BIRC6: variants seen among roughly 807,000 people sequenced by gnomAD.
BIRC6 encodes dual E2 ubiquitin-conjugating enzyme/E3 ubiquitin-protein ligase BIRC6.
In BIRC6, 98 loss-of-function variants were observed where a neutral mutation model predicts 503.3. The ratio of observed to expected loss-of-function variants is 0.19; its 90% CI spans 0.17 to 0.23. The LOEUF (loss-of-function observed/expected upper bound fraction) is 0.23. BIRC6 is among the 10% of genes least tolerant of loss of function. The pLI, the probability that BIRC6 is intolerant of heterozygous loss-of-function variation, is 1.00. For missense variants in BIRC6, 5,360 were observed against 5,806.0 expected (o/e 0.92, Z 2.50); for synonymous variants, 2,240 against 2,078.7 (o/e 1.08, Z -2.11).
Position 32,464,743 on chromosome 2 carries a change from C to T in BIRC6, c.5176C>T (p.Gln1726Ter). 6.2e-7 allele frequency: 1 copy of T among 1,614,032 alleles called. No homozygotes were observed. Among genetic ancestry groups the T allele is most frequent in the Non-Finnish European group, 8.5e-7 (1 of 1,179,890 alleles). Residue 1726 changes from glutamine to a stop codon, truncating the protein, a stop_gained, in exon 25 of 74, where the codon CAG (glutamine) becomes TAG (stop). Coordinates refer to ENST00000421745, the MANE Select transcript of BIRC6 (RefSeq NM_016252.4). LOFTEE classifies it high-confidence loss of function. ...VSVVINAELAQLFPGSVIDPP... is the reference protein window; with the variant it reads ...VSVVINAELA ...CGTTGTGATTAATGCCGAACTTGCA[C>T]AGCTTTTCCCAGGCTCAGTCATTGA...
chr2:32,489,194 G>A (rs1311122793), intron 42 of BIRC6, among the ~76,000 whole-genome samples: 1 of 151,982 alleles, frequency 6.6e-6, no homozygotes, highest in Non-Finnish European at 1.5e-5. Flanking sequence ...TTAGCGTTCA[G>A]CTCTAGCTAC....
At chr2:32,392,667 C>T (rs976661548) in intron 5 of BIRC6, among the ~76,000 whole-genome samples, 2 of 152,100 alleles carry the variant, frequency 1.3e-5, no homozygotes, top group African/African-American at 4.8e-5. Context: ...CTGTTGCCCA[C>T]GCTGGAGTAC....
chr2:32,525,350 C>G, intron 58 of BIRC6, 114 bp from the exon 59 acceptor site: 1 of 1,125,572 alleles, frequency 8.9e-7, no homozygotes, highest in Non-Finnish European at 1.3e-6. Context: ...AGGAACATTT[C>G]TGTTTTCTGA....
intron 65 of BIRC6, among the ~76,000 whole-genome samples, chr2:32,559,612 G>A (rs1308706664): frequency 1.3e-5 from 2 of 151,030 alleles, no homozygotes; most frequent in African/African-American, 4.9e-5. Context: ...CTGACCACCG[G>A]TACACATTAA....
chr2:32,387,701 A>T (rs527653031), intron 3 of BIRC6, among the ~76,000 whole-genome samples: 1 of 152,302 alleles, frequency 6.6e-6, no homozygotes, highest in East Asian at 1.9e-4. Flanking sequence ...AAATCCTCAT[A>T]TACCCCAGTA....
At chr2:32,511,197 T>C (rs1288703077) in intron 53 of BIRC6, among the ~76,000 whole-genome samples, 10 of 133,756 alleles carry the variant, frequency 7.5e-5, no homozygotes, top group Admixed American at 7.3e-4. Flanking sequence ...TTTTCTTTTC[T>C]TTTCTTTTTT....
chr2:32,407,280 T>C (rs1030090596), intron 9 of BIRC6, among the ~76,000 whole-genome samples: 2 of 151,906 alleles, frequency 1.3e-5, no homozygotes, highest in Admixed American at 1.3e-4. Flanking sequence ...ACCCCGTTTC[T>C]ACTAAAAATA....
At position 32,607,540 on chromosome 2, in the gene BIRC6, G is replaced by T; in HGVS notation, c.14156G>T (p.Ser4719Ile). ...PGYERSRGTP[S>I]GTQSSREYDG... The stretch of plus-strand genomic sequence containing the variant: ...TATGAACGGTCTAGAGGCACTCCCA[G>T]TGGCACACAGAGTTCTCGAGAATAT... The change falls in exon 72 of 74, where the codon AGT (serine) becomes ATT (isoleucine). Residue 4719 changes from serine (S) to isoleucine (I), a missense_variant. Physicochemically the swap from Ser to Ile is moderately radical, Grantham distance 142. Coordinates refer to ENST00000421745, the MANE Select transcript of BIRC6 (RefSeq NM_016252.4). 6.2e-7 allele frequency: 1 copy of T among 1,613,868 alleles called. No individual in the cohort carries two copies. Among genetic ancestry groups the T allele is most frequent in the Non-Finnish European group, 8.5e-7 (1 of 1,179,796 alleles).
At chr2:32,444,535 T>G (rs894735362) in intron 20 of BIRC6, among the ~76,000 whole-genome samples, 1 of 152,214 alleles carries the variant, frequency 6.6e-6, no homozygotes, top group Non-Finnish European at 1.5e-5. Flanking sequence ...TAACTTGGCC[T>G]TTTAAGCCAA....
At chr2:32,511,786 T>C (rs1203734894) in intron 53 of BIRC6, among the ~76,000 whole-genome samples, 1 of 152,054 alleles carries the variant, frequency 6.6e-6, no homozygotes, top group African/African-American at 2.4e-5. Context: ...ATGTTTAAAA[T>C]GAAGTCATTT....
In BIRC6 at chr2:32,415,468, C is replaced by T. The variant is rs2042289651; in HGVS notation, c.2177C>T (p.Ala726Val). 1 of 1,613,958 alleles carries T rather than the reference C, an allele frequency of 6.2e-7. No individual in the cohort carries two copies. The highest frequency in any genetic ancestry group is 1.3e-5 in the African/African-American group (1 of 75,054). ...LVQCLRLPKF[A>V]EEENLCIDSI... is the part of the protein sequence containing the mutation. ...CAGTGCTTGAGGCTGCCAAAGTTTGCAGAGGAGGAGAATCTTTGTATAGAC... is the reference window on the plus strand; with the variant it reads ...CAGTGCTTGAGGCTGCCAAAGTTTGTAGAGGAGGAGAATCTTTGTATAGAC... Residue 726 changes from alanine (A) to valine (V), a missense_variant, in exon 10 of 74, where the codon GCA becomes GTA. By Grantham distance (64) the Ala-to-Val change is moderately conservative (BLOSUM62 0). Coordinates refer to ENST00000421745, the MANE Select transcript of BIRC6 (RefSeq NM_016252.4).
At chr2:32,381,306 C>T (rs1297399756) in intron 3 of BIRC6, among the ~76,000 whole-genome samples, 1 of 152,168 alleles carries the variant, frequency 6.6e-6, no homozygotes, top group African/African-American at 2.4e-5. Context: ...ATGGCACAAT[C>T]TCGGCTCACT....
intron 1 of BIRC6, among the ~76,000 whole-genome samples, chr2:32,365,607 C>T (rs1289025576): frequency 6.6e-6 from 1 of 152,134 alleles, no homozygotes; most frequent in Non-Finnish European, 1.5e-5. Flanking sequence ...GTGTGAGCCA[C>T]CGTGCCCGGT....
chr2:32,616,168 C>A (rs955722185), intron 73 of BIRC6, among the ~76,000 whole-genome samples: 4 of 152,042 alleles, frequency 2.6e-5, no homozygotes, highest in Non-Finnish European at 5.9e-5. Context: ...GTTCTTTGTT[C>A]TTCTATGATC....
At chr2:32,388,051 G>A (rs2038732474) in intron 3 of BIRC6, among the ~76,000 whole-genome samples, 1 of 152,030 alleles carries the variant, frequency 6.6e-6, no homozygotes, top group Non-Finnish European at 1.5e-5. Context: ...ATTTCTTTGT[G>A]ATGAGAATGT....
intron 12 of BIRC6, 91 bp downstream of exon 12, chr2:32,431,181 CTTTTTTT>C (rs10610125): frequency 0.013 from 925 of 69,170 alleles, 4 homozygotes; most frequent in African/African-American, 0.035. Flanking sequence ...TACTGTTTAT[CTTTTTTT>C]TTTTTTTTTT....
chr2:32,425,681 C>G (rs915417697), intron 10 of BIRC6, among the ~76,000 whole-genome samples: 1 of 152,180 alleles, frequency 6.6e-6, no homozygotes, highest in African/African-American at 2.4e-5. Flanking sequence ...AGAGTTCTAT[C>G]TCTTTAAATC....
rs111608014 is a variant in BIRC6 at position 32,550,714 on chromosome 2, A to AT, written c.13144+1234dup. ...GTTTTGGTCTGAAATTGACTCTCTTATAACACTGAGCTTTTATCTTTATGG... is the reference window on the plus strand; with the variant it reads ...GTTTTGGTCTGAAATTGACTCTCTTATTAACACTGAGCTTTTATCTTTATGG... On this transcript the variant is annotated intron_variant, in intron 65 of 73. Coordinates refer to ENST00000421745, the MANE Select transcript of BIRC6 (RefSeq NM_016252.4). Among the ~76,000 whole-genome samples the AT allele has an allele frequency of 9.6e-3, 1,456 of 152,284 alleles. 20 individuals carry two copies. Among genetic ancestry groups the AT allele is most frequent in the Admixed American group, 0.014 (218 of 15,296 alleles).
intron 5 of BIRC6, among the ~76,000 whole-genome samples, chr2:32,394,077 A>G (rs879560288): frequency 2.0e-5 from 3 of 151,532 alleles, no homozygotes; most frequent in Non-Finnish European, 4.4e-5. Flanking sequence ...AGGATTGAAC[A>G]TGGACCATTT....
Sources: allele counts gnomAD v4.1 joint callset (sites outside exome capture counted in the v4.1 genomes callset), GRCh38; gene constraint gnomAD v4.1.1; transcripts MANE v1.5; gene names NCBI Gene and HGNC (gene_info 2026-07-23, HGNC 2026-07-21).